Variants in EDC3 observed in about 807,000 individuals in gnomAD.
EDC3 encodes the protein enhancer of mRNA decapping 3.
EDC3 carries 20 observed loss-of-function variants against 41.8 expected under a neutral mutation model. That is an observed-to-expected ratio of 0.48 (90% CI 0.34 to 0.70). EDC3 has a LOEUF of 0.70. EDC3 is among the 30% of genes least tolerant of loss of function. The pLI is 0.01. For missense variants in EDC3, 444 were observed against 636.8 expected (o/e 0.70, Z 3.26); for synonymous variants, 206 against 243.2 (o/e 0.85, Z 1.42).
chr15:74,635,386 C>A, intron 6 of EDC3, 23 bp downstream of exon 6: 1 of 1,612,104 alleles, frequency 6.2e-7, no homozygotes, highest in Non-Finnish European at 8.5e-7. Context: ...AGGCCTTCAG[C>A]CCAGCCCTGC....
At chr15:74,647,797 A>C (rs572255774) in intron 4 of EDC3, among the ~76,000 whole-genome samples, 1 of 152,334 alleles carries the variant, frequency 6.6e-6, no homozygotes, top group Non-Finnish European at 1.5e-5. Flanking sequence ...GGAGACACAA[A>C]TTTAGAAACT....
intron 1 of EDC3, among the ~76,000 whole-genome samples, chr15:74,686,398 A>G (rs2062938055): frequency 6.6e-6 from 1 of 151,492 alleles, no homozygotes. Flanking sequence ...GAGGCAGGGG[A>G]GTCACTTGAA....
intron 4 of EDC3, among the ~76,000 whole-genome samples, chr15:74,647,710 C>T (rs1313369761): frequency 6.6e-6 from 1 of 152,216 alleles, no homozygotes; most frequent in East Asian, 1.9e-4. Context: ...CATTCTTCCA[C>T]ACCTGGCACT....
intron 3 of EDC3, among the ~76,000 whole-genome samples, chr15:74,657,412 AACAG>A (rs889600501): frequency 5.3e-5 from 8 of 152,218 alleles, no homozygotes; most frequent in Non-Finnish European, 7.3e-5. Flanking sequence ...CTGGCACTGA[AACAG>A]ACAGCCAGGT....
intron 1 of EDC3, among the ~76,000 whole-genome samples, chr15:74,694,338 A>G (rs2141694510): frequency 6.6e-6 from 1 of 151,920 alleles, no homozygotes; most frequent in African/African-American, 2.4e-5. Flanking sequence ...TGAGAAGTTT[A>G]GTTCTTGTTG....
In EDC3 at chr15:74,640,549, A is replaced by G. The variant is rs145109120; in HGVS notation, c.891T>C (p.His297=). The G allele has an allele frequency of 1.2e-6, 2 of 1,614,242 alleles. No homozygotes were observed. Among genetic ancestry groups the G allele is most frequent in the Non-Finnish European group, 1.7e-6 (2 of 1,180,050 alleles). Residue 297 remains histidine (H), a synonymous_variant, in exon 5 of 7, where the codon CAT becomes CAC. Coordinates refer to ENST00000315127, the MANE Select transcript of EDC3 (RefSeq NM_025083.5). ...CCAGTCTCCGCTCAAGGGTCAGCCC[A>G]TGCTTCTCAGCCACGGACAACAGCT... ...HKKLLSVAEK[H]GLTLERRLEM... is the part of the protein sequence containing the mutation.
At chr15:74,665,584 T>C (rs1308900180) in intron 3 of EDC3, among the ~76,000 whole-genome samples, 3 of 152,186 alleles carry the variant, frequency 2.0e-5, no homozygotes, top group Non-Finnish European at 2.9e-5. Context: ...TTATGTCTAT[T>C]TGACAAACAT....
Position 74,635,580 on chromosome 15 carries a change from A to C in EDC3, c.1021T>G (p.Cys341Gly), listed in dbSNP as rs1162985990. The change falls in exon 6 of 7, where the codon TGT becomes GGT. Residue 341 changes from cysteine (C) to glycine (G), a missense_variant. Around this residue, in one of 3 missense-constraint regions of EDC3, gnomAD observed 242 missense variants for 363.8 expected, o/e 0.67. Transcript: ENST00000315127. ...TGAGCCCCCTTCACATGAGGTCCAC[A>C]CAGTAGAGCCACTGTAGGCCTCTGG... ...VHQRPTVALL[C>G]GPHVKGAQGI... 1 of 1,614,246 alleles carries C rather than the reference A, an allele frequency of 6.2e-7. No individual in the cohort carries two copies. Among genetic ancestry groups the C allele is most frequent in the Non-Finnish European group, 8.5e-7 (1 of 1,180,042 alleles).
At position 74,691,136 on chromosome 15, in the gene EDC3, C is replaced by CA. The variant is rs112091416; in HGVS notation, c.-19+4743dup. Among the ~76,000 whole-genome samples the CA allele has an allele frequency of 6.5e-3, 747 of 115,510 alleles. 2 individuals are homozygous for CA. Among genetic ancestry groups the CA allele is most frequent in the Non-Finnish European group, 8.1e-3 (441 of 54,388 alleles). 75.8% of individuals were successfully genotyped at this position (115,510 alleles called of 152,430 possible). On this transcript the variant is annotated intron_variant, in intron 1 of 6. Transcript: ENST00000315127. ...TGGGTGGCAGAGCAAGACCCTGTCTCAAAAAAAAAAAAAAAGAAAAAAATG... is the reference window on the plus strand; with the variant it reads ...TGGGTGGCAGAGCAAGACCCTGTCTCAAAAAAAAAAAAAAAAGAAAAAAATG...
At chr15:74,648,000 G>A (rs1163014409) in intron 4 of EDC3, among the ~76,000 whole-genome samples, 1 of 152,154 alleles carries the variant, frequency 6.6e-6, no homozygotes, top group Non-Finnish European at 1.5e-5. Context: ...GGGGTTATGG[G>A]GAGACAAGGC....
At chr15:74,674,613 G>C (rs1442880963) in intron 2 of EDC3, among the ~76,000 whole-genome samples, 1 of 152,206 alleles carries the variant, frequency 6.6e-6, no homozygotes, top group Non-Finnish European at 1.5e-5. Context: ...GGGTTAAAGG[G>C]AAGGGAAATG....
At chr15:74,677,672 C>T (rs546623093) in intron 1 of EDC3, among the ~76,000 whole-genome samples, 1 of 152,160 alleles carries the variant, frequency 6.6e-6, no homozygotes, top group South Asian at 2.1e-4. Context: ...GCCTAGCTTG[C>T]ATATGCATAT....
chr15:74,694,809 A>T (rs2063047445), intron 1 of EDC3, among the ~76,000 whole-genome samples: 1 of 152,184 alleles, frequency 6.6e-6, no homozygotes, highest in South Asian at 2.1e-4. Flanking sequence ...TCACAGGTAA[A>T]AAATTTTGAG....
intron 2 of EDC3, among the ~76,000 whole-genome samples, chr15:74,672,226 G>T (rs1221153911): frequency 1.5e-5 from 2 of 130,240 alleles, no homozygotes; most frequent in Non-Finnish European, 3.1e-5. Flanking sequence ...CCGAGATCCC[G>T]CCACTGCACT....
chr15:74,635,843 C>A (rs2062266665), intron 5 of EDC3: 1 of 578,838 alleles, frequency 1.7e-6, no homozygotes, highest in Non-Finnish European at 3.1e-6. Context: ...TTGCTGGGTC[C>A]TCCCACTAAG....
At chr15:74,659,229 G>A (rs570940803) in intron 3 of EDC3, among the ~76,000 whole-genome samples, 5 of 151,602 alleles carry the variant, frequency 3.3e-5, no homozygotes, top group Non-Finnish European at 7.4e-5. Context: ...TTGGGAGGCC[G>A]AGGTGGGTGT....
intron 1 of EDC3, among the ~76,000 whole-genome samples, chr15:74,692,088 G>C (rs1424132186): frequency 6.6e-6 from 1 of 152,102 alleles, no homozygotes; most frequent in Non-Finnish European, 1.5e-5. Flanking sequence ...CAAAGTGATG[G>C]GATTACAGGC....
chr15:74,653,968 T>C (rs1419038004), intron 4 of EDC3, among the ~76,000 whole-genome samples: 2 of 152,018 alleles, frequency 1.3e-5, no homozygotes, highest in Admixed American at 1.3e-4. Context: ...TCCTGCAGTG[T>C]AGGGCTGGGC....
chr15:74,633,006 GA>G (rs1421481916), intron 6 of EDC3, 60 bp from the exon 7 acceptor site: 202 of 1,554,026 alleles, frequency 1.3e-4, no homozygotes, highest in Admixed American at 4.6e-4. Context: ...CCCAGGCTGG[GA>G]CTAGGGCCCA....
Sources: allele counts gnomAD v4.1 joint callset (sites outside exome capture counted in the v4.1 genomes callset), GRCh38; gene constraint gnomAD v4.1.1; regional missense constraint gnomAD v4.1.1; transcripts MANE v1.5; gene names NCBI Gene and HGNC (gene_info 2026-07-23, HGNC 2026-07-21).